Variants in PLXNC1 observed in about 807,000 individuals in gnomAD.
PLXNC1 encodes plexin C1, also known as plexin-C1.
Under a neutral mutation model 178.2 loss-of-function variants are expected in PLXNC1, and 75 were observed. That is an observed-to-expected ratio of 0.42 (90% CI 0.35 to 0.51). The LOEUF (loss-of-function observed/expected upper bound fraction) is 0.51. Ranked by LOEUF, PLXNC1 falls within the 20% of genes least tolerant of loss-of-function variation. The pLI is 0.02. For missense variants in PLXNC1, 1,503 were observed against 1,984.4 expected (o/e 0.76, Z 4.61); for synonymous variants, 790 against 779.9 (o/e 1.01, Z -0.22).
intron 21 of PLXNC1, among the ~76,000 whole-genome samples, chr12:94,278,857 G>A (rs1357406517): frequency 6.6e-6 from 1 of 152,128 alleles, no homozygotes; most frequent in Non-Finnish European, 1.5e-5. Context: ...AATTAGCCAG[G>A]CATGGTGGCA....
intron 16 of PLXNC1, 124 bp downstream of exon 16, chr12:94,255,012 G>T: frequency 1.1e-6 from 1 of 935,514 alleles, no homozygotes. Flanking sequence ...GCAACGGAAG[G>T]GCAGGGCCTG....
chr12:94,294,334 C>T, intron 23 of PLXNC1, 152 bp from the exon 24 acceptor site: 1 of 529,254 alleles, frequency 1.9e-6, no homozygotes, highest in African/African-American at 1.9e-5. Flanking sequence ...GTCCCAGCCT[C>T]CAGCACAGTG....
Position 94,260,648 on chromosome 12 carries a change from G to T in PLXNC1, c.3258G>T (p.Leu1086=). 5 of 1,612,754 alleles carry T rather than the reference G, an allele frequency of 3.1e-6. No individual in the cohort carries two copies. The highest frequency in any genetic ancestry group is 4.2e-6 in the Non-Finnish European group (5 of 1,179,430). Residue 1086 remains leucine, a synonymous_variant, in exon 20 of 31, where the codon CTG becomes CTT. Transcript: ENST00000258526. The surrounding 1 kb of genome is among the most constrained non-coding windows in gnomAD (Gnocchi z 4.4). ...CAGCTCTCTTTTTCAACAGGTGTCT[G>T]TTTGCCTCCTTCCTAACCATTGCAC... The part of the protein sequence containing the change: ...QKNFSVKDRC[L]FASFLTIALQ...
intron 4 of PLXNC1, among the ~76,000 whole-genome samples, chr12:94,187,701 G>A (rs1327705424): frequency 2.0e-5 from 3 of 152,204 alleles, no homozygotes; most frequent in African/African-American, 7.2e-5. Context: ...TTGTAGAGCT[G>A]TGTACAGGAG....
At chr12:94,159,692 C>T (rs902854351) in intron 1 of PLXNC1, among the ~76,000 whole-genome samples, 9 of 152,118 alleles carry the variant, frequency 5.9e-5, no homozygotes, top group African/African-American at 1.7e-4. Flanking sequence ...ACAGGAGAGC[C>T]TTTGAAGGGA....
At chr12:94,237,632 G>C (rs1236477190) in intron 9 of PLXNC1, 32 bp from the exon 10 acceptor site, 1 of 1,595,236 alleles carries the variant, frequency 6.3e-7, no homozygotes, top group East Asian at 2.2e-5. Flanking sequence ...TCTTAGCTTT[G>C]ATCTCCTGTT....
chr12:94,203,770 A>G (rs565997291), intron 4 of PLXNC1, among the ~76,000 whole-genome samples: 89 of 152,306 alleles, frequency 5.8e-4, no homozygotes, highest in Middle Eastern at 3.4e-3. Context: ...TGCCTGGCCT[A>G]TGGGCACTAG....
chr12:94,164,465 A>G (rs1961513753), intron 1 of PLXNC1, among the ~76,000 whole-genome samples: 1 of 151,638 alleles, frequency 6.6e-6, no homozygotes, highest in Non-Finnish European at 1.5e-5. Flanking sequence ...GAGCCGGGCC[A>G]TCTTTCACAT....
intron 8 of PLXNC1, 65 bp downstream of exon 8, chr12:94,226,772 C>T: frequency 1.7e-6 from 2 of 1,194,138 alleles, no homozygotes; most frequent in South Asian, 1.2e-5. Context: ...GCCTGCAATC[C>T]CAGCATTTTG....
intron 17 of PLXNC1, among the ~76,000 whole-genome samples, chr12:94,257,914 AAAT>A (rs1592819658): frequency 6.7e-6 from 1 of 148,410 alleles, no homozygotes; most frequent in East Asian, 1.9e-4. Flanking sequence ...GTCTCAAAAA[AAAT>A]AATAAATAAA....
chr12:94,158,132 A>T (rs1359024232), intron 1 of PLXNC1: 2 of 152,216 alleles, frequency 1.3e-5, no homozygotes, highest in Non-Finnish European at 2.9e-5. Context: ...GGCAAGAGAG[A>T]CGTGACCAAA....
At chr12:94,280,662 G>A (rs1218376849) in intron 22 of PLXNC1, among the ~76,000 whole-genome samples, 2 of 152,190 alleles carry the variant, frequency 1.3e-5, no homozygotes, top group Non-Finnish European at 2.9e-5. Context: ...CAGGATCAAA[G>A]GGGGAGCCCC....
intron 2 of PLXNC1, among the ~76,000 whole-genome samples, chr12:94,177,080 T>C (rs1262235073): frequency 9.0e-6 from 1 of 110,760 alleles, no homozygotes; most frequent in Non-Finnish European, 2.0e-5. Flanking sequence ...TGTGTGTGTA[T>C]ATATATATGT....
At chr12:94,201,267 G>T (rs1038566427) in intron 4 of PLXNC1, among the ~76,000 whole-genome samples, 1 of 152,236 alleles carries the variant, frequency 6.6e-6, no homozygotes, top group Non-Finnish European at 1.5e-5. Context: ...AATTGTGTCT[G>T]CCTCCTTACA....
intron 2 of PLXNC1, chr12:94,176,237 A>C (rs1962045306): frequency 6.6e-6 from 1 of 152,242 alleles, no homozygotes; most frequent in African/African-American, 2.4e-5. Flanking sequence ...GAGCTGAGGA[A>C]GGAACGTTTC....
intron 23 of PLXNC1, among the ~76,000 whole-genome samples, chr12:94,288,196 A>T (rs1475078897): frequency 6.6e-6 from 1 of 152,194 alleles, no homozygotes; most frequent in Non-Finnish European, 1.5e-5. Context: ...CTTCTCTTAA[A>T]ATCCCAGGGT....
chr12:94,185,257 G>A (rs944922197), intron 3 of PLXNC1, among the ~76,000 whole-genome samples: 2 of 152,204 alleles, frequency 1.3e-5, no homozygotes, highest in South Asian at 2.1e-4. Flanking sequence ...CCTCCATGAA[G>A]TCAACTTGGA....
At chr12:94,290,546 C>T (rs907761595) in intron 23 of PLXNC1, among the ~76,000 whole-genome samples, 1 of 152,258 alleles carries the variant, frequency 6.6e-6, no homozygotes, top group Non-Finnish European at 1.5e-5. Context: ...ATATCATGCA[C>T]ACCAGCAGTT....
At chr12:94,187,363 C>G (rs1962555769) in intron 4 of PLXNC1, among the ~76,000 whole-genome samples, 1 of 151,602 alleles carries the variant, frequency 6.6e-6, no homozygotes, top group African/African-American at 2.4e-5. Flanking sequence ...GGGAGACAGC[C>G]AAGAGAAATG....
Sources: gnomAD v4.1 joint callset for allele counts (sites outside exome capture counted in the v4.1 genomes callset) on GRCh38, gnomAD v4.1.1 for gene constraint, Gnocchi (gnomAD v3.1) non-coding constraint, MANE v1.5 for transcripts, NCBI Gene and HGNC (gene_info 2026-07-23, HGNC 2026-07-21) for gene names.